The following ARHGAP25 variants were observed in gnomAD, a reference collection of about 807,000 sequenced individuals.
The protein encoded by ARHGAP25 is Rho GTPase activating protein 25, also known as rho GTPase-activating protein 25.
In ARHGAP25, 34 loss-of-function variants were observed where a neutral mutation model predicts 71.0. The ratio of observed to expected loss-of-function variants is 0.48; its 90% CI spans 0.36 to 0.64. ARHGAP25 has a LOEUF of 0.64. Ranked by LOEUF, ARHGAP25 falls within the 30% of genes least tolerant of loss-of-function variation. ARHGAP25 has a pLI of 0.00. For missense variants in ARHGAP25, 706 were observed against 805.1 expected (o/e 0.88, Z 1.49); for synonymous variants, 282 against 296.5 (o/e 0.95, Z 0.50).
rs377579177 is a variant in ARHGAP25, at chr2:68,807,283, C to T, written c.477C>T (p.Gly159=). ...VAGTPCGAVF[G]QRLDETVAYE... ...TTGCTCTCTCCTCAGCAGTGTTTGG[C>T]CAGCGCTTGGATGAGACTGTGGCCT... The change falls in exon 5 of 11, where the codon GGC becomes GGT. Residue 159 remains glycine, a synonymous_variant. Coordinates refer to ENST00000409202, the MANE Select transcript of ARHGAP25 (RefSeq NM_001007231.3). The T allele has an allele frequency of 1.5e-5, 24 of 1,614,052 alleles. No homozygotes were observed. Among genetic ancestry groups the T allele is most frequent in the Non-Finnish European group, 1.9e-5 (22 of 1,180,026 alleles).
chr2:68,806,069 A>C (rs776262210), intron 4 of ARHGAP25, among the ~76,000 whole-genome samples: 25 of 152,202 alleles, frequency 1.6e-4, no homozygotes, highest in Non-Finnish European at 2.4e-4. Flanking sequence ...GAGCTGGCCC[A>C]CACTTGCTTT....
Position 68,816,360 on chromosome 2 carries a change from C to T in ARHGAP25, c.879C>T (p.Cys293=). The change falls in exon 7 of 11, where the codon TGC becomes TGT. Residue 293 remains cysteine (C), a splice_region_variant and synonymous_variant. Coordinates refer to ENST00000409202, the MANE Select transcript of ARHGAP25 (RefSeq NM_001007231.3). ...RDNYSLLSYI[C]RFLHEIQLNC... ...ACTATAGTCTCCTGAGCTACATCTG[C>T]AGGTGAGAGGCCCCTGGTATCAACT... 3 of 1,611,302 alleles carry T rather than the reference C, an allele frequency of 1.9e-6. No individual in the cohort carries two copies. Among genetic ancestry groups the T allele is most frequent in the Non-Finnish European group, 2.5e-6 (3 of 1,177,540 alleles).
chr2:68,790,615 C>T (rs548186222), intron 4 of ARHGAP25, among the ~76,000 whole-genome samples: 13 of 152,274 alleles, frequency 8.5e-5, no homozygotes, highest in African/African-American at 2.4e-4. Context: ...CTTTGTGAAA[C>T]TTTCTTTTTC....
chr2:68,724,961 T>C (rs1183441700), intron 2 of ARHGAP25, among the ~76,000 whole-genome samples: 2 of 152,216 alleles, frequency 1.3e-5, no homozygotes, highest in Non-Finnish European at 2.9e-5. Flanking sequence ...CTGGTCTATA[T>C]TGTGTTGCTT....
intron 1 of ARHGAP25, among the ~76,000 whole-genome samples, chr2:68,756,290 A>T (rs1478910405): frequency 6.6e-6 from 1 of 152,202 alleles, no homozygotes; most frequent in South Asian, 2.1e-4. Context: ...ACCCTGTCCT[A>T]CAAATAACAG....
chr2:68,731,231 T>A (rs1229743976), upstream of ARHGAP25, among the ~76,000 whole-genome samples: 1 of 152,114 alleles, frequency 6.6e-6, no homozygotes, highest in African/African-American at 2.4e-5. Flanking sequence ...CGTTTTCTCC[T>A]TGTTCCTCAT....
At chr2:68,748,013 G>A (rs141360657) in intron 1 of ARHGAP25, among the ~76,000 whole-genome samples, 15 of 152,258 alleles carry the variant, frequency 9.9e-5, no homozygotes, top group Admixed American at 6.5e-4. Context: ...TTTAAAAGTG[G>A]AAATCAAATG....
At chr2:68,758,223 G>A (rs958011537) in intron 1 of ARHGAP25, among the ~76,000 whole-genome samples, 4 of 151,944 alleles carry the variant, frequency 2.6e-5, no homozygotes, top group Admixed American at 1.3e-4. Context: ...AAGGTATGTA[G>A]AAAATAAATA....
intron 2 of ARHGAP25, among the ~76,000 whole-genome samples, chr2:68,729,079 C>A (rs1054351701): frequency 6.6e-6 from 1 of 152,158 alleles, no homozygotes; most frequent in Admixed American, 6.5e-5. Flanking sequence ...TCTATAGAGA[C>A]ATAAAGTGGT....
At chr2:68,822,939 C>T in intron 10 of ARHGAP25, 67 bp downstream of exon 10, 7 of 1,464,022 alleles carry the variant, frequency 4.8e-6, no homozygotes, top group Non-Finnish European at 6.4e-6. Context: ...GGGATTGTTC[C>T]CATCCGCCAG....
At chr2:68,722,304 G>A (rs746689544) in intron 2 of ARHGAP25, among the ~76,000 whole-genome samples, 5 of 152,072 alleles carry the variant, frequency 3.3e-5, no homozygotes, top group South Asian at 2.1e-4. Context: ...GCAGCCAGGC[G>A]TGGTGGCTCA....
At chr2:68,801,295 G>T (rs1249437095) in intron 4 of ARHGAP25, among the ~76,000 whole-genome samples, 2 of 152,166 alleles carry the variant, frequency 1.3e-5, no homozygotes, top group Non-Finnish European at 2.9e-5. Flanking sequence ...CTGAGAAAGT[G>T]TGCAGATGAG....
chr2:68,793,359 A>G (rs1365775182), intron 4 of ARHGAP25, among the ~76,000 whole-genome samples: 1 of 152,156 alleles, frequency 6.6e-6, no homozygotes, highest in Non-Finnish European at 1.5e-5. Flanking sequence ...ACCAATGTCC[A>G]GAAGAGTTTT....
chr2:68,774,664 G>A, intron 1 of ARHGAP25: 1 of 853,918 alleles, frequency 1.2e-6, no homozygotes, highest in Non-Finnish European at 1.4e-6. Flanking sequence ...TTTGAGTGGG[G>A]TCCGCTGGAG....
At chr2:68,784,779 G>A (rs930269673) in intron 3 of ARHGAP25, among the ~76,000 whole-genome samples, 6 of 152,224 alleles carry the variant, frequency 3.9e-5, no homozygotes, top group Admixed American at 2.0e-4. Context: ...CTGCATGCAC[G>A]TTACGTGGGA....
intron 1 of ARHGAP25, among the ~76,000 whole-genome samples, chr2:68,737,483 AC>A (rs1675280459): frequency 6.6e-6 from 1 of 152,188 alleles, no homozygotes; most frequent in African/African-American, 2.4e-5. Context: ...CTTGGCCTCT[AC>A]CTTCTAGGTG....
intron 4 of ARHGAP25, among the ~76,000 whole-genome samples, chr2:68,800,871 A>G (rs533525450): frequency 1.4e-3 from 214 of 152,182 alleles, no homozygotes; most frequent in African/African-American, 5.0e-3. Context: ...CATATTACAT[A>G]TATTATAATT....
intron 5 of ARHGAP25, among the ~76,000 whole-genome samples, chr2:68,810,128 TAAAAAA>T (rs11332513): frequency 7.7e-6 from 1 of 129,146 alleles, no homozygotes; most frequent in Non-Finnish European, 1.6e-5. Context: ...AGCCCTTGAT[TAAAAAA>T]AAAAAAAAAA....
chr2:68,731,646 G>T (rs951719359), upstream of ARHGAP25, among the ~76,000 whole-genome samples: 1 of 152,034 alleles, frequency 6.6e-6, no homozygotes, highest in African/African-American at 2.4e-5. Flanking sequence ...GGAGCGACCT[G>T]AAGAACTTTC....
Sources: allele counts gnomAD v4.1 joint callset (sites outside exome capture counted in the v4.1 genomes callset), GRCh38; gene constraint gnomAD v4.1.1; transcripts MANE v1.5; gene names NCBI Gene and HGNC (gene_info 2026-07-23, HGNC 2026-07-21).